HYCC1: variants seen among roughly 807,000 people sequenced by gnomAD.
HYCC1 encodes hyccin PI4KA lipid kinase complex subunit 1.
chr7:22,999,236 C>T, the HYCC1 span, among the ~76,000 whole-genome samples: 1 of 152,170 alleles, frequency 6.6e-6, no homozygotes, highest in African/African-American at 2.4e-5. Flanking sequence ...AATTATTTTA[C>T]ATTTAATATT....
chr7:22,896,601 A>C, the HYCC1 span, among the ~76,000 whole-genome samples: 2 of 152,124 alleles, frequency 1.3e-5, no homozygotes, highest in East Asian at 3.8e-4. Context: ...CCTTTTATAC[A>C]ATTGTCTTTT....
At chr7:22,927,096 G>A in the HYCC1 span, among the ~76,000 whole-genome samples, 10,459 of 152,150 alleles carry the variant, frequency 0.069, 540 homozygotes, top group East Asian at 0.25. Flanking sequence ...GATACATAAC[G>A]AAATGAAGGC....
chr7:22,992,310 T>C, the HYCC1 span, among the ~76,000 whole-genome samples: 2 of 152,082 alleles, frequency 1.3e-5, no homozygotes, highest in African/African-American at 4.8e-5. Flanking sequence ...CATTCACTCA[T>C]AAAAGATTAC....
At chr7:22,951,747 T>C in the HYCC1 span, among the ~76,000 whole-genome samples, 1 of 151,960 alleles carries the variant, frequency 6.6e-6, no homozygotes, top group African/African-American at 2.4e-5. Context: ...TGATGGAATA[T>C]TAACTCAATG....
chr7:23,012,085 C>T, the HYCC1 span, among the ~76,000 whole-genome samples: 1 of 152,132 alleles, frequency 6.6e-6, no homozygotes, highest in Admixed American at 6.5e-5. Flanking sequence ...CTAGTACCTA[C>T]TCAGCCTGGA....
chr7:22,976,655 A>C, the HYCC1 span: 2 of 1,212,826 alleles, frequency 1.6e-6, no homozygotes, highest in Non-Finnish European at 2.5e-6. Flanking sequence ...TTAAAAAATT[A>C]GTGGATTAAG....
the HYCC1 span, among the ~76,000 whole-genome samples, chr7:22,948,840 T>A: frequency 6.6e-6 from 1 of 151,960 alleles, no homozygotes; most frequent in Non-Finnish European, 1.5e-5. Context: ...TGCTCTGTAA[T>A]AAAGGATTAA....
chr7:22,919,771 C>T, the HYCC1 span, among the ~76,000 whole-genome samples: 38,314 of 151,226 alleles, frequency 0.25, 5,003 homozygotes, highest in East Asian at 0.48. Flanking sequence ...GAAAGAAAAA[C>T]AGAATGAAGA....
At chr7:22,919,454 G>C in the HYCC1 span, among the ~76,000 whole-genome samples, 1 of 150,744 alleles carries the variant, frequency 6.6e-6, no homozygotes, top group African/African-American at 2.4e-5. Flanking sequence ...ACTTGAACCC[G>C]GGAGGCAGAG....
the HYCC1 span, among the ~76,000 whole-genome samples, chr7:22,986,153 A>C: frequency 1.3e-5 from 2 of 152,136 alleles, no homozygotes; most frequent in Non-Finnish European, 2.9e-5. Context: ...ACCCAAAGGC[A>C]AAAAGACAGC....
At chr7:22,945,254 C>A in the HYCC1 span, 1 of 325,150 alleles carries the variant, frequency 3.1e-6, no homozygotes, top group South Asian at 3.6e-5. Flanking sequence ...CAAGAAAAAC[C>A]ACCTTACAAC....
chr7:22,985,849 T>C, the HYCC1 span: 2 of 149,050 alleles, frequency 1.3e-5, no homozygotes, highest in East Asian at 3.9e-4. Context: ...AAATGCATTA[T>C]ATATATTTAA....
chr7:22,945,633 G>A, the HYCC1 span: 3 of 1,613,586 alleles, frequency 1.9e-6, no homozygotes, highest in Non-Finnish European at 2.5e-6. Context: ...GGTCTCTGCT[G>A]ACCTGATTGA....
At chr7:22,917,802 T>C in the HYCC1 span, among the ~76,000 whole-genome samples, 12 of 152,182 alleles carry the variant, frequency 7.9e-5, no homozygotes, top group Admixed American at 7.9e-4. Flanking sequence ...GGATAAAAGA[T>C]CTTCAGTGGC....
the HYCC1 span, among the ~76,000 whole-genome samples, chr7:22,970,744 A>G: frequency 1.3e-5 from 2 of 152,258 alleles, no homozygotes; most frequent in South Asian, 2.1e-4. Context: ...TCTGATTCCT[A>G]TCTTCAAGGA....
chr7:23,001,655 C>G, the HYCC1 span, among the ~76,000 whole-genome samples: 1 of 152,076 alleles, frequency 6.6e-6, no homozygotes, highest in African/African-American at 2.4e-5. Context: ...TTAGACCCAG[C>G]TCTGCCACTT....
the HYCC1 span, chr7:22,977,559 G>A: frequency 3.4e-6 from 2 of 579,882 alleles, no homozygotes; most frequent in Non-Finnish European, 6.0e-6. Flanking sequence ...CTTAAACCAT[G>A]ATAATCCATT....
At chr7:22,962,750 T>C in the HYCC1 span, among the ~76,000 whole-genome samples, 1 of 149,988 alleles carries the variant, frequency 6.7e-6, no homozygotes, top group East Asian at 2.0e-4. Flanking sequence ...TCCCCCCATT[T>C]CCATGCCCCC....
chr7:22,977,365 T>C, the HYCC1 span: 1 of 1,597,724 alleles, frequency 6.3e-7, no homozygotes, highest in Non-Finnish European at 8.6e-7. Flanking sequence ...ATGGTTTGGA[T>C]AAAGATGGAA....
Sources: allele counts gnomAD v4.1 joint callset (sites outside exome capture counted in the v4.1 genomes callset), GRCh38; gene constraint gnomAD v4.1.1; transcripts MANE v1.5; gene names NCBI Gene and HGNC (gene_info 2026-07-23, HGNC 2026-07-21).